TNRC6A: variants seen among roughly 807,000 people sequenced by gnomAD.
The protein encoded by TNRC6A is trinucleotide repeat-containing gene 6A protein.
Under a neutral mutation model 221.2 loss-of-function variants are expected in TNRC6A, and 44 were observed. That is an observed-to-expected ratio of 0.20 (90% CI 0.16 to 0.26). TNRC6A has a LOEUF of 0.26. TNRC6A is among the 10% of genes least tolerant of loss of function. The pLI, the probability that TNRC6A is intolerant of heterozygous loss-of-function variation, is 1.00. For synonymous variants in TNRC6A, 847 were observed against 838.5 expected (o/e 1.01, Z -0.18); for missense variants, 2,199 against 2,404.4 (o/e 0.91, Z 1.79).
chr16:24,813,183 T>C (rs567575064), intron 18 of TNRC6A, among the ~76,000 whole-genome samples: 1 of 152,274 alleles, frequency 6.6e-6, no homozygotes, highest in South Asian at 2.1e-4. Flanking sequence ...TGCCTTGTTT[T>C]ATTTTAGATT....
intron 11 of TNRC6A, among the ~76,000 whole-genome samples, chr16:24,802,688 G>A (rs1174076127): frequency 6.6e-6 from 1 of 152,228 alleles, no homozygotes. Context: ...CTGATACCCT[G>A]ATAGTGAATG....
intron 2 of TNRC6A, among the ~76,000 whole-genome samples, chr16:24,718,850 A>C (rs577249178): frequency 1.2e-4 from 18 of 151,916 alleles, no homozygotes; most frequent in Admixed American, 1.2e-3. Context: ...CAGCCTGTCC[A>C]ATATGGTGAA....
intron 2 of TNRC6A, among the ~76,000 whole-genome samples, chr16:24,683,394 T>G (rs181959169): frequency 6.6e-6 from 1 of 152,204 alleles, no homozygotes; most frequent in Admixed American, 6.5e-5. Flanking sequence ...GACGGAGTCT[T>G]GCTATGTTGC....
chr16:24,707,532 A>G (rs974657549), intron 2 of TNRC6A, among the ~76,000 whole-genome samples: 14 of 152,236 alleles, frequency 9.2e-5, no homozygotes, highest in African/African-American at 1.2e-4. Context: ...AAATGTTTCT[A>G]CAATTCATGC....
At chr16:24,818,752 G>C (rs754796275) in intron 21 of TNRC6A, 52 bp downstream of exon 21, 1 of 1,424,542 alleles carries the variant, frequency 7.0e-7, no homozygotes, top group Non-Finnish European at 9.9e-7. Flanking sequence ...CCAGAGCCGC[G>C]GCTGTTGTTT....
chr16:24,685,159 C>G (rs192626728), intron 2 of TNRC6A, among the ~76,000 whole-genome samples: 5 of 152,116 alleles, frequency 3.3e-5, no homozygotes, highest in Admixed American at 2.0e-4. Context: ...TTGCGTTTGT[C>G]TTCTTTTCTA....
chr16:24,677,199 G>C (rs1197953830), intron 2 of TNRC6A, among the ~76,000 whole-genome samples: 1 of 131,314 alleles, frequency 7.6e-6, no homozygotes, highest in African/African-American at 2.9e-5. Flanking sequence ...GTCTCGCTCT[G>C]TTGCCCAGGC....
intron 1 of TNRC6A, among the ~76,000 whole-genome samples, chr16:24,613,115 CAAAAAAA>C (rs553122873): frequency 1.3e-3 from 73 of 55,696 alleles, no homozygotes; most frequent in Middle Eastern, 7.9e-3. Flanking sequence ...GACTCTGTCT[CAAAAAAA>C]AAAAAAAAAA....
intron 2 of TNRC6A, chr16:24,663,913 C>G: frequency 2.2e-6 from 1 of 456,640 alleles, no homozygotes; most frequent in Non-Finnish European, 4.4e-6. Flanking sequence ...ATATTTTAAG[C>G]CGTTAGCAGT....
rs2058832879 is a variant in TNRC6A at position 24,824,345 on chromosome 16, T to C, written c.*538T>C. On this transcript the variant is annotated 3_prime_UTR_variant, in exon 25 of 25. Coordinates refer to ENST00000395799, the MANE Select transcript of TNRC6A (RefSeq NM_014494.4). Reference sequence around the variant, plus strand: ...TACCTTATTGTGGTATCGTGGAGTTTAAAAGATCAAGTTAGGATGCTGACT... The same window carrying C: ...TACCTTATTGTGGTATCGTGGAGTTCAAAAGATCAAGTTAGGATGCTGACT... 1 of 152,526 alleles carries C rather than the reference T, an allele frequency of 6.6e-6. No individual in the cohort carries two copies. Among genetic ancestry groups the C allele is most frequent in the Admixed American group, 6.5e-5 (1 of 15,278 alleles). 9.4% of individuals were successfully genotyped at this position (152,526 alleles called of 1,614,324 possible).
At chr16:24,712,040 G>A (rs921977877) in intron 2 of TNRC6A, among the ~76,000 whole-genome samples, 1 of 152,122 alleles carries the variant, frequency 6.6e-6, no homozygotes, top group Non-Finnish European at 1.5e-5. Flanking sequence ...ATTCAATGGG[G>A]GGAAACATCT....
chr16:24,623,165 A>ATTTG (rs1353531058), intron 1 of TNRC6A, among the ~76,000 whole-genome samples: 1 of 135,628 alleles, frequency 7.4e-6, no homozygotes, highest in Non-Finnish European at 1.5e-5. Context: ...TTATTTATTT[A>ATTTG]TTTATTTATT....
intron 2 of TNRC6A, among the ~76,000 whole-genome samples, chr16:24,660,739 CTTTTTT>C (rs58299677): frequency 1.1e-5 from 1 of 91,288 alleles, no homozygotes. Flanking sequence ...TTTTTTTTTT[CTTTTTT>C]TTTTTTTTTT....
In TNRC6A at chr16:24,789,603, A is replaced by G. The variant is rs763864490; in HGVS notation, c.961A>G (p.Ile321Val). 7.4e-6 allele frequency: 12 copies of G among 1,614,166 alleles called. No individual in the cohort carries two copies. Among genetic ancestry groups the G allele is most frequent in the South Asian group, 2.2e-5 (2 of 91,086 alleles). ...GPWGFSHGAI[I>V]STCQVSVDAP... Reference sequence around the variant, plus strand: ...ATGGGGTTTTTCCCATGGAGCCATAATAAGCACATGTCAGGTCTCTGTGGA... The same window carrying G: ...ATGGGGTTTTTCCCATGGAGCCATAGTAAGCACATGTCAGGTCTCTGTGGA... Residue 321 changes from isoleucine (I) to valine (V), a missense_variant, in exon 6 of 25, where the codon ATA becomes GTA. By Grantham distance (29) the Ile-to-Val change is conservative. Transcript: ENST00000395799.
In TNRC6A at chr16:24,797,453, G is replaced by A. The variant is rs764048985; in HGVS notation, c.3562-37G>A. The A allele has an allele frequency of 4.7e-6, 7 of 1,498,330 alleles. No homozygotes were observed. In the Admixed American group the frequency reaches 1.1e-4, roughly 24 times the overall value. 92.8% of individuals were successfully genotyped at this position (1,498,330 alleles called of 1,614,324 possible). On this transcript the variant is annotated intron_variant, in intron 9 of 24. Transcript: ENST00000395799. ...TCACTATACCCAGATAAACAGAGAT[G>A]GCCATGGCATCTTTTCTACTCTTTT...
intron 1 of TNRC6A, among the ~76,000 whole-genome samples, chr16:24,628,102 G>C (rs895126660): frequency 4.0e-5 from 6 of 151,644 alleles, no homozygotes; most frequent in Non-Finnish European, 7.4e-5. Flanking sequence ...GAACTGCACA[G>C]TTTACTTATA....
chr16:24,780,417 C>A (rs1039634144), intron 5 of TNRC6A, among the ~76,000 whole-genome samples: 3 of 152,198 alleles, frequency 2.0e-5, no homozygotes, highest in Admixed American at 1.3e-4. Flanking sequence ...ATACCATTAT[C>A]ACCCCTAAGT....
At position 24,789,382 on chromosome 16, in the gene TNRC6A, C is replaced by T. The variant is rs766255195; in HGVS notation, c.740C>T (p.Pro247Leu). The T allele has an allele frequency of 4.3e-6, 7 of 1,614,182 alleles. No individual in the cohort carries two copies. Among genetic ancestry groups the T allele is most frequent in the East Asian group, 2.2e-5 (1 of 44,890 alleles). The change falls in exon 6 of 25, where the codon CCG (proline) becomes CTG (leucine). Residue 247 changes from proline to leucine, a missense_variant. Coordinates refer to ENST00000395799, the MANE Select transcript of TNRC6A (RefSeq NM_014494.4). Reference protein sequence around the residue: ...EAWPSAPGSDPELASECMDAD... With the variant: ...EAWPSAPGSDLELASECMDAD... Reference sequence around the variant, plus strand: ...TGGCCCTCAGCCCCTGGCAGTGATCCGGAGTTGGCTTCAGAATGTATGGAT... The same window carrying T: ...TGGCCCTCAGCCCCTGGCAGTGATCTGGAGTTGGCTTCAGAATGTATGGAT...
At chr16:24,710,772 T>C (rs1596530367) in intron 2 of TNRC6A, among the ~76,000 whole-genome samples, 1 of 151,706 alleles carries the variant, frequency 6.6e-6, no homozygotes, top group East Asian at 1.9e-4. Context: ...CCCAGGCTGG[T>C]GCGATCGTGG....
Sources: gnomAD v4.1 joint callset for allele counts (sites outside exome capture counted in the v4.1 genomes callset) on GRCh38, gnomAD v4.1.1 for gene constraint, MANE v1.5 for transcripts, NCBI Gene and HGNC (gene_info 2026-07-23, HGNC 2026-07-21) for gene names.